The following SYT1 variants were observed in gnomAD, a reference collection of about 807,000 sequenced individuals.
The protein encoded by SYT1 is synaptotagmin 1, also known as synaptotagmin-1.
SYT1 carries 8 observed loss-of-function variants against 44.8 expected under a neutral mutation model. That is an observed-to-expected ratio of 0.18 (90% confidence interval 0.10 to 0.32). SYT1 has a LOEUF of 0.32. Ranked by LOEUF, SYT1 falls within the 10% of genes least tolerant of loss-of-function variation. The pLI is 1.00. For synonymous variants in SYT1, 154 were observed against 188.8 expected (o/e 0.82, Z 1.51); for missense variants, 286 against 509.3 (o/e 0.56, Z 4.22).
intron 3 of SYT1, among the ~76,000 whole-genome samples, chr12:79,124,618 C>T (rs1161636989): frequency 6.6e-6 from 1 of 152,056 alleles, no homozygotes; most frequent in Non-Finnish European, 1.5e-5. Context: ...TCATCATCAC[C>T]ATCGCCATTA....
rs578047346 is a variant in SYT1, at chr12:78,947,845, G to GA, written c.-216-29945dup. Among the ~76,000 whole-genome samples, 317 of 148,356 alleles carry GA rather than the reference G, an allele frequency of 2.1e-3. 1 individual carries two copies. The highest frequency in any genetic ancestry group is 3.3e-3 in the Non-Finnish European group (224 of 66,890). On this transcript the variant is annotated intron_variant, in intron 1 of 10. Coordinates refer to ENST00000261205, the MANE Select transcript of SYT1 (RefSeq NM_005639.3). ...AAAGGTTGAGTCTCTACATGGATGA[G>GA]AAAAAAAAAGCCAATATAAGTCTTT...
intron 4 of SYT1, among the ~76,000 whole-genome samples, chr12:79,230,643 A>G (rs1875815130): frequency 6.6e-6 from 1 of 152,220 alleles, no homozygotes; most frequent in South Asian, 2.1e-4. Context: ...TACTGATGCT[A>G]CATTTCAGGA....
intron 4 of SYT1, among the ~76,000 whole-genome samples, chr12:79,243,314 A>T (rs1280027796): frequency 3.9e-5 from 6 of 152,174 alleles, no homozygotes; most frequent in Non-Finnish European, 8.8e-5. Context: ...AATTTCTTAA[A>T]TTGCCCTAGC....
intron 3 of SYT1, among the ~76,000 whole-genome samples, chr12:79,167,059 C>T (rs1871261036): frequency 2.0e-5 from 3 of 151,852 alleles, no homozygotes; most frequent in African/African-American, 7.3e-5. Flanking sequence ...TTAAATATGG[C>T]ATAAGTAAAG....
rs150247940 is a variant in SYT1 at position 79,388,567 on chromosome 12, C to T, written c.928+34948C>T. On this transcript the variant is annotated intron_variant, in intron 9 of 10. Transcript: ENST00000261205. ...AATAAAAAATAAATAAAAAAATAGC[C>T]AGGTGTGGTGGCACACACCTGTAGT... Among the ~76,000 whole-genome samples, 73 of 152,036 alleles carry T rather than the reference C, an allele frequency of 4.8e-4. 2 individuals are homozygous for T. The East Asian group carries it at 0.014, about 28-fold the overall frequency.
At chr12:79,240,637 C>T (rs184387961) in intron 4 of SYT1, among the ~76,000 whole-genome samples, 3 of 152,164 alleles carry the variant, frequency 2.0e-5, no homozygotes, top group South Asian at 2.1e-4. Flanking sequence ...GTTGGAGACA[C>T]GGTTCCAATT....
chr12:78,892,015 A>T (rs916323771), intron 1 of SYT1, among the ~76,000 whole-genome samples: 1 of 151,830 alleles, frequency 6.6e-6, no homozygotes, highest in African/African-American at 2.4e-5. Flanking sequence ...ACAATTTTTC[A>T]TTCTCTTTCT....
intron 2 of SYT1, among the ~76,000 whole-genome samples, chr12:79,035,363 C>T (rs1475935183): frequency 3.3e-5 from 5 of 151,704 alleles, no homozygotes; most frequent in Admixed American, 3.3e-4. Flanking sequence ...CCAACATCCT[C>T]CATCCTTATA....
At chr12:79,221,236 A>G (rs1875140122) in intron 4 of SYT1, among the ~76,000 whole-genome samples, 1 of 152,048 alleles carries the variant, frequency 6.6e-6, no homozygotes, top group African/African-American at 2.4e-5. Flanking sequence ...ATACACATAT[A>G]TAGTTATTCC....
intron 1 of SYT1, among the ~76,000 whole-genome samples, chr12:78,867,970 T>C (rs543263933): frequency 1.1e-4 from 16 of 152,078 alleles, no homozygotes; most frequent in Non-Finnish European, 1.8e-4. Context: ...CCTGTTAGCC[T>C]AATAACACCA....
At chr12:79,397,491 G>A (rs985114179) in intron 9 of SYT1, among the ~76,000 whole-genome samples, 3 of 152,112 alleles carry the variant, frequency 2.0e-5, no homozygotes, top group Non-Finnish European at 4.4e-5. Context: ...GCCTCCCAAA[G>A]TGTTGCGATT....
intron 1 of SYT1, 39 bp downstream of exon 1, chr12:78,865,148 T>G (rs1473933438): frequency 6.6e-6 from 1 of 152,210 alleles, no homozygotes; most frequent in African/African-American, 2.4e-5. Flanking sequence ...ACCTCGGCGG[T>G]GCCTATCTGC....
intron 3 of SYT1, among the ~76,000 whole-genome samples, chr12:79,090,701 A>C (rs187713640): frequency 1.1e-4 from 17 of 152,174 alleles, no homozygotes; most frequent in Non-Finnish European, 2.1e-4. Flanking sequence ...CACAAAATAC[A>C]GGACTCAAAG....
intron 1 of SYT1, among the ~76,000 whole-genome samples, chr12:78,920,190 T>C (rs1160864208): frequency 6.6e-6 from 1 of 152,004 alleles, no homozygotes; most frequent in African/African-American, 2.4e-5. Context: ...TAAATTAAAA[T>C]CTTGGAAATC....
intron 1 of SYT1, among the ~76,000 whole-genome samples, chr12:78,958,127 C>G (rs1193694486): frequency 6.6e-6 from 1 of 152,200 alleles, no homozygotes; most frequent in East Asian, 1.9e-4. Flanking sequence ...AGATTTATCT[C>G]CCTTCTCCAA....
At position 79,189,360 on chromosome 12, in the gene SYT1, T is replaced by A. The variant is rs183056747; in HGVS notation, c.-17-28143T>A. On this transcript the variant is annotated intron_variant, in intron 3 of 10. Coordinates refer to ENST00000261205, the MANE Select transcript of SYT1 (RefSeq NM_005639.3). ...CTATAGAAGGAATTCTATCAAATGA[T>A]GTTGGCCTAGTTGACTTTCAATAAC... 1.8e-3 allele frequency among the ~76,000 whole-genome samples: 276 copies of A among 152,282 alleles called. 2 individuals are homozygous for A. The highest frequency in any genetic ancestry group is 3.2e-3 in the Non-Finnish European group (220 of 68,014).
chr12:79,052,020 T>C (rs1280197212), intron 3 of SYT1, among the ~76,000 whole-genome samples: 1 of 152,152 alleles, frequency 6.6e-6, no homozygotes, highest in Non-Finnish European at 1.5e-5. Flanking sequence ...GGCTCTTTTT[T>C]GGTTCCATAT....
At chr12:79,204,288 A>G (rs1873966277) in intron 3 of SYT1, among the ~76,000 whole-genome samples, 1 of 152,236 alleles carries the variant, frequency 6.6e-6, no homozygotes, top group South Asian at 2.1e-4. Flanking sequence ...AACATTTTCC[A>G]TCATCCTATT....
intron 3 of SYT1, among the ~76,000 whole-genome samples, chr12:79,127,967 G>A (rs533501569): frequency 3.2e-4 from 49 of 152,290 alleles, no homozygotes; most frequent in African/African-American, 1.2e-3. Flanking sequence ...AATGCATGAT[G>A]GATGAATTAG....
Sources: gnomAD v4.1 joint callset for allele counts (sites outside exome capture counted in the v4.1 genomes callset) on GRCh38, gnomAD v4.1.1 for gene constraint, MANE v1.5 for transcripts, NCBI Gene and HGNC (gene_info 2026-07-23, HGNC 2026-07-21) for gene names.